Variants in ABITRAM observed in about 807,000 individuals in gnomAD.
ABITRAM encodes protein Abitram.
ABITRAM carries 19 observed loss-of-function variants against 22.9 expected under a neutral mutation model. The ratio of observed to expected loss-of-function variants is 0.83; its 90% CI spans 0.58 to 1.22. The LOEUF is 1.22. ABITRAM is among the 50% of genes most tolerant of loss of function. The pLI, the probability that ABITRAM is intolerant of heterozygous loss-of-function variation, is 0.00. For missense variants in ABITRAM, 215 were observed against 220.2 expected, an observed-to-expected ratio of 0.98 and a Z score of 0.15; for synonymous variants, 70 against 73.9, an observed-to-expected ratio of 0.95 and a Z score of 0.27.
chr9:108,940,295 ATAACTACTACATTT>A lies in ABITRAM; in HGVS notation c.*614_*627del, dbSNP rs1439917889. 1.3e-5 allele frequency: 2 copies of A among 152,226 alleles called. No homozygotes were observed. The highest frequency in any genetic ancestry group is 2.9e-5 in the Non-Finnish European group (2 of 68,038). The allele number at this position is 152,226 out of a possible 1,614,324, so 9.4% of individuals were successfully genotyped here. A position where few individuals can be genotyped will look rare whatever the true frequency, so the allele number is the denominator to read the frequency against. On this transcript the variant is annotated 3_prime_UTR_variant, in exon 6 of 6. Coordinates refer to ENST00000322940, the MANE Select transcript of ABITRAM (RefSeq NM_017832.4). The stretch of plus-strand genomic sequence containing the variant: ...ACCAATCCCCTATGTAAACCAAGGG[ATAACTACTACATTT>A]TAACCTACTTCTGTTTGAACATATG...
rs1436177695 is a variant in ABITRAM at position 108,934,430 on chromosome 9, T to A, written c.-57T>A. 8 of 1,477,206 alleles carry A rather than the reference T, an allele frequency of 5.4e-6. No homozygotes were observed. The highest frequency in any genetic ancestry group is 2.1e-5 in the Admixed American group (1 of 48,296). The allele number at this position is 1,477,206 out of a possible 1,614,324, so 91.5% of individuals were successfully genotyped here. On this transcript the variant is annotated 5_prime_UTR_variant, in exon 1 of 6. Coordinates refer to ENST00000322940, the MANE Select transcript of ABITRAM (RefSeq NM_017832.4). ...CCGGAAGAGCACGCCCAGTCCGGGC[T>A]GCGCGGAGGAAGCGCTGGGGTCCCG...
chr9:108,939,225 T>A lies in ABITRAM; in HGVS notation c.291T>A (p.Pro97=). Residue 97 remains proline, a synonymous_variant, in exon 4 of 6, where the codon CCT becomes CCA. Coordinates refer to ENST00000322940, the MANE Select transcript of ABITRAM (RefSeq NM_017832.4). ...RGAQFLTELA[P]LCKIYCSDGE... is the part of the protein sequence containing the mutation. Reference sequence around the variant, plus strand: ...CACAGTTTCTAACAGAGCTTGCACCTCTCTGTAAGATTTACTGCTCAGATG... The same window carrying A: ...CACAGTTTCTAACAGAGCTTGCACCACTCTGTAAGATTTACTGCTCAGATG... The A allele has an allele frequency of 6.2e-7, 1 of 1,613,936 alleles. No homozygotes were observed. Among genetic ancestry groups the A allele is most frequent in the South Asian group, 1.1e-5 (1 of 91,056 alleles).
downstream of ABITRAM, among the ~76,000 whole-genome samples, chr9:108,944,961 C>A (rs1830358477): frequency 1.3e-5 from 2 of 152,186 alleles, no homozygotes. Flanking sequence ...AGACTCCAAC[C>A]AAATGAAATG....
Position 108,934,740 on chromosome 9 carries a change from T to C in ABITRAM, c.79+175T>C, listed in dbSNP as rs1024196782. 2.0e-5 allele frequency among the ~76,000 whole-genome samples: 3 copies of C among 152,166 alleles called. No homozygotes were observed. The South Asian group carries it at 6.2e-4, about 32-fold the overall frequency. On this transcript the variant is annotated intron_variant, in intron 1 of 5. Coordinates refer to ENST00000322940, the MANE Select transcript of ABITRAM (RefSeq NM_017832.4). ...GGGAATGGCATTTGCAAAGACCTGG[T>C]GGCCTGAAATACTTCAGGGCGCATT... is the stretch of plus-strand genomic sequence containing the variant.
downstream of ABITRAM, chr9:108,943,034 C>T (rs774975185): frequency 6.2e-7 from 1 of 1,610,666 alleles, no homozygotes; most frequent in Non-Finnish European, 8.5e-7. Context: ...CTTCGTAATA[C>T]ACTTGTCAAC....
At chr9:108,948,472 T>C (rs1325099522) in intron 3 of ABITRAM, among the ~76,000 whole-genome samples, 1 of 152,232 alleles carries the variant, frequency 6.6e-6, no homozygotes, top group Non-Finnish European at 1.5e-5. Flanking sequence ...TAAAAAATTT[T>C]AAACAAGTAA....
chr9:108,937,510 C>T (rs185422046), intron 3 of ABITRAM, among the ~76,000 whole-genome samples: 1 of 152,180 alleles, frequency 6.6e-6, no homozygotes, highest in Admixed American at 6.5e-5. Flanking sequence ...CTTATTCAAA[C>T]CCCCCTTTGT....
At chr9:108,946,176 G>A (rs1198092329) in intron 3 of ABITRAM, among the ~76,000 whole-genome samples, 1 of 151,962 alleles carries the variant, frequency 6.6e-6, no homozygotes, top group Non-Finnish European at 1.5e-5. Flanking sequence ...GCGCACACCT[G>A]TAGTCCCAGC....
Position 108,940,504 on chromosome 9 carries a change from GTATAT to G in ABITRAM, c.*824_*828del, listed in dbSNP as rs1377592432. ...TGTAGGGAAGAGGCCGGAGTGTAGA[GTATAT>G]TATATCTTCTGTCCCCCTTATGCCA... On this transcript the variant is annotated 3_prime_UTR_variant, in exon 6 of 6. Coordinates refer to ENST00000322940, the MANE Select transcript of ABITRAM (RefSeq NM_017832.4). 2.0e-5 allele frequency: 3 copies of G among 152,156 alleles called. No individual in the cohort carries two copies. The highest frequency in any genetic ancestry group is 2.9e-5 in the Non-Finnish European group (2 of 68,038). The allele number at this position is 152,156 out of a possible 1,614,324, so 9.4% of individuals were successfully genotyped here.
intron 3 of ABITRAM, among the ~76,000 whole-genome samples, chr9:108,947,379 C>T (rs12683697): frequency 0.22 from 33,730 of 152,116 alleles, 4,602 homozygotes; most frequent in East Asian, 0.31. Flanking sequence ...TCCCAAAGTG[C>T]TGGGATTACA....
At chr9:108,942,903 C>T, downstream of ABITRAM, 4 of 1,608,548 alleles carry the variant, frequency 2.5e-6, no homozygotes, top group Non-Finnish European at 3.4e-6. Flanking sequence ...TAAGTAGTAA[C>T]TATTTTCTTT....
At chr9:108,938,273 G>T (rs1830212431) in intron 3 of ABITRAM, among the ~76,000 whole-genome samples, 1 of 152,208 alleles carries the variant, frequency 6.6e-6, no homozygotes, top group African/African-American at 2.4e-5. Flanking sequence ...ACGTGCGGAG[G>T]AGTGAAGCCA....
chr9:108,941,939 G>C (rs1473799007), downstream of ABITRAM, among the ~76,000 whole-genome samples: 2 of 152,164 alleles, frequency 1.3e-5, no homozygotes, highest in Non-Finnish European at 2.9e-5. Context: ...TTGTTTTATA[G>C]TGAACATTTC....
intron 1 of ABITRAM, among the ~76,000 whole-genome samples, 193 bp downstream of exon 1, chr9:108,934,758 G>C (rs900020697): frequency 6.6e-6 from 1 of 152,138 alleles, no homozygotes; most frequent in Non-Finnish European, 1.5e-5. Flanking sequence ...AATACTTCAG[G>C]GCGCATTCTG....
At chr9:108,944,194 T>C (rs1587938125), downstream of ABITRAM, among the ~76,000 whole-genome samples, 1 of 152,334 alleles carries the variant, frequency 6.6e-6, no homozygotes. Context: ...TTTAACTGTT[T>C]TCAGAAGGAG....
At position 108,947,118 on chromosome 9, in the gene ABITRAM, T is replaced by TC. The variant is rs1830428251; in HGVS notation, c.262-3389_262-3388insC. ...ATAAAGTGATAGAAATTTCTTTCTT[T>TC]TTTTTTTTTTTTTGAGATGGAGTCT... is the stretch of plus-strand genomic sequence containing the variant. On this transcript the variant is annotated intron_variant, in intron 3 of 3. Coordinates refer to the ABITRAM transcript ENST00000374624. 2.0e-5 allele frequency among the ~76,000 whole-genome samples: 3 copies of TC among 149,658 alleles called. No individual in the cohort carries two copies. The South Asian group carries it at 6.3e-4, about 31-fold the overall frequency.
chr9:108,950,578 T>C (rs1830533371), exon 4 of ABITRAM: 8 of 1,550,174 alleles, frequency 5.2e-6, no homozygotes, highest in Non-Finnish European at 8.7e-7. Context: ...TGGGACTGCA[T>C]CTTCCCCACT....
intron 1 of ABITRAM, among the ~76,000 whole-genome samples, chr9:108,935,044 C>T (rs1830157798): frequency 6.6e-6 from 1 of 152,182 alleles, no homozygotes; most frequent in Non-Finnish European, 1.5e-5. Context: ...CCTTAAGAGA[C>T]GCCATCTGCC....
chr9:108,942,645 G>A (rs561256149), downstream of ABITRAM: 2 of 706,466 alleles, frequency 2.8e-6, no homozygotes, highest in African/African-American at 1.8e-5. Context: ...AGAAAATAGA[G>A]CAAAATTTCA....
Sources: gnomAD v4.1 joint callset for allele counts (sites outside exome capture counted in the v4.1 genomes callset) on GRCh38, gnomAD v4.1.1 for gene constraint, MANE v1.5 for transcripts, NCBI Gene and HGNC (gene_info 2026-07-23, HGNC 2026-07-21) for gene names.